The following STPG2 variants were observed in gnomAD, a reference collection of about 807,000 sequenced individuals.
STPG2 encodes sperm tail PG-rich repeat containing 2.
STPG2 carries 56 observed loss-of-function variants against 54.2 expected under a neutral mutation model. That is an observed-to-expected ratio of 1.03 (90% confidence interval 0.83 to 1.29). The LOEUF (loss-of-function observed/expected upper bound fraction) is 1.29, where lower values mean the gene tolerates loss of function less well. STPG2 is among the 50% of genes most tolerant of loss of function. The probability of loss-of-function intolerance (pLI) is 0.00; values close to 1 mark genes in which losing one functional copy is unlikely to be tolerated. For missense variants in STPG2, 596 were observed against 544.9 expected (o/e 1.09, Z -0.93); for synonymous variants, 200 against 181.8 (o/e 1.10, Z -0.81).
intron 5 of STPG2, among the ~76,000 whole-genome samples, chr4:98,020,251 C>A (rs1486562990): frequency 7.6e-6 from 1 of 131,144 alleles, no homozygotes; most frequent in Admixed American, 7.4e-5. Flanking sequence ...TTGTCAAAGG[C>A]CTTTTCTGCA....
At chr4:97,968,575 A>C (rs181210623) in intron 7 of STPG2, among the ~76,000 whole-genome samples, 6 of 152,298 alleles carry the variant, frequency 3.9e-5, no homozygotes, top group African/African-American at 1.4e-4. Flanking sequence ...GCATATCAAA[A>C]AGCTTATCCA....
intron 3 of STPG2, among the ~76,000 whole-genome samples, chr4:98,109,871 A>G (rs78726394): frequency 0.046 from 7,070 of 152,242 alleles, 242 homozygotes; most frequent in Admixed American, 0.13. Context: ...TATTTGTGAC[A>G]TGAGAAATAA....
intron 4 of STPG2, among the ~76,000 whole-genome samples, chr4:97,486,970 T>C (rs767881381): frequency 1.3e-4 from 20 of 151,164 alleles, no homozygotes; most frequent in Non-Finnish European, 2.5e-4. Context: ...TTGGAGACTA[T>C]TATTCTAAGT....
intron 3 of STPG2, among the ~76,000 whole-genome samples, chr4:98,111,904 T>G (rs1739372105): frequency 6.6e-6 from 1 of 151,984 alleles, no homozygotes; most frequent in Non-Finnish European, 1.5e-5. Flanking sequence ...AACTCCAGGT[T>G]TTCTAGCCTT....
intron 5 of STPG2, among the ~76,000 whole-genome samples, chr4:98,060,485 T>C (rs1241433678): frequency 1.3e-5 from 2 of 152,096 alleles, no homozygotes; most frequent in South Asian, 2.1e-4. Flanking sequence ...AAAATGGCCA[T>C]ACTGCCCAAA....
chr4:97,702,571 G>A (rs755371341), intron 10 of STPG2, among the ~76,000 whole-genome samples: 7 of 152,072 alleles, frequency 4.6e-5, no homozygotes, highest in Non-Finnish European at 7.4e-5. Flanking sequence ...TCTCACCGGA[G>A]GCCATCACTG....
chr4:97,987,227 C>T (rs1449309562), intron 5 of STPG2, among the ~76,000 whole-genome samples: 8 of 152,076 alleles, frequency 5.3e-5, no homozygotes, highest in Admixed American at 4.6e-4. Flanking sequence ...ACTTTGCTGC[C>T]CTCTACTGAT....
intron 5 of STPG2, among the ~76,000 whole-genome samples, chr4:98,005,940 T>C (rs986864393): frequency 6.6e-6 from 1 of 152,214 alleles, no homozygotes. Context: ...TTAAGAAGGA[T>C]TGGTGTTAAC....
At chr4:97,617,977 T>G (rs1249541266) in intron 10 of STPG2, among the ~76,000 whole-genome samples, 1 of 152,194 alleles carries the variant, frequency 6.6e-6, no homozygotes, top group Non-Finnish European at 1.5e-5. Context: ...TGTAAAAGTC[T>G]AGACTTATCA....
At chr4:97,981,366 T>G (rs1320252093) in intron 5 of STPG2, 48 bp from the exon 6 acceptor site, 1 of 1,584,618 alleles carries the variant, frequency 6.3e-7, no homozygotes, top group Non-Finnish European at 8.6e-7. Flanking sequence ...TAGTACATTT[T>G]GATACTTCAT....
chr4:97,986,858 A>G (rs1447674673), intron 5 of STPG2, among the ~76,000 whole-genome samples: 3 of 152,142 alleles, frequency 2.0e-5, no homozygotes, highest in East Asian at 1.9e-4. Context: ...ATTAGACTCT[A>G]TATATGAAAA....
At chr4:97,753,174 A>G (rs1054815158) in intron 9 of STPG2, among the ~76,000 whole-genome samples, 3 of 151,970 alleles carry the variant, frequency 2.0e-5, no homozygotes, top group Non-Finnish European at 4.4e-5. Context: ...CACCACCACC[A>G]CTTCCCAAAA....
In STPG2 at chr4:97,545,068, G is replaced by T. The variant is rs187864777; in HGVS notation, c.462+167631C>A. On this transcript the variant is annotated intron_variant, in intron 4 of 4. Coordinates refer to the STPG2 transcript ENST00000522676. ...CAAAAATTCAGATTCTGATTCAAAG[G>T]CTTGAAAGTCTGTATATCTAAAAAA... Among the ~76,000 whole-genome samples the T allele has an allele frequency of 3.6e-3, 545 of 152,162 alleles. 5 individuals are homozygous for T. Among genetic ancestry groups the T allele is most frequent in the African/African-American group, 0.012 (518 of 41,540 alleles).
chr4:97,846,540 G>A (rs991289554), intron 8 of STPG2, among the ~76,000 whole-genome samples: 11 of 149,582 alleles, frequency 7.4e-5, no homozygotes, highest in African/African-American at 9.9e-5. Flanking sequence ...CAGGAGAATC[G>A]CTTGAACCCA....
At chr4:97,855,669 A>G (rs1191743971) in intron 8 of STPG2, among the ~76,000 whole-genome samples, 3 of 152,112 alleles carry the variant, frequency 2.0e-5, no homozygotes, top group Non-Finnish European at 4.4e-5. Flanking sequence ...CTTTAGTTCA[A>G]TTCGATCTCA....
intron 9 of STPG2, among the ~76,000 whole-genome samples, chr4:97,793,679 T>G (rs995252973): frequency 1.3e-5 from 2 of 151,868 alleles, no homozygotes; most frequent in Non-Finnish European, 2.9e-5. Context: ...TAAACAGCAA[T>G]ATATTATATA....
intron 3 of STPG2, among the ~76,000 whole-genome samples, chr4:98,120,657 T>C (rs1739652337): frequency 6.6e-6 from 1 of 152,260 alleles, no homozygotes; most frequent in Non-Finnish European, 1.5e-5. Context: ...ATTCCTCTAA[T>C]GATCAGTGAT....
At chr4:97,553,903 A>G (rs1443998470), downstream of STPG2, among the ~76,000 whole-genome samples, 1 of 152,204 alleles carries the variant, frequency 6.6e-6, no homozygotes, top group Non-Finnish European at 1.5e-5. Context: ...CAATCTCATT[A>G]TCTCAATTTT....
In STPG2 at chr4:97,780,861, T is replaced by C. The variant is rs369256297; in HGVS notation, c.1204+59912A>G. Among the ~76,000 whole-genome samples the C allele has an allele frequency of 3.3e-5, 5 of 152,094 alleles. No homozygotes were observed. In the East Asian group the frequency reaches 5.8e-4, roughly 18 times the overall value. Reference sequence around the variant, plus strand: ...GTACATAAGGAAATGAAGGCAGAAATAAAGATGTTCTTTGAAACCAACGAG... The same window carrying C: ...GTACATAAGGAAATGAAGGCAGAAACAAAGATGTTCTTTGAAACCAACGAG... On this transcript the variant is annotated intron_variant, in intron 9 of 10. Transcript: ENST00000295268.
Sources: gnomAD v4.1 joint callset for allele counts (sites outside exome capture counted in the v4.1 genomes callset) on GRCh38, gnomAD v4.1.1 for gene constraint, MANE v1.5 for transcripts, NCBI Gene and HGNC (gene_info 2026-07-23, HGNC 2026-07-21) for gene names.